The following MAGI2 variants were observed in gnomAD, a reference collection of about 807,000 sequenced individuals.
MAGI2 encodes membrane-associated guanylate kinase, WW and PDZ domain-containing protein 2.
A neutral mutation model predicts 133.3 loss-of-function variants in MAGI2; 35 were observed. The ratio of observed to expected loss-of-function variants is 0.26; its 90% confidence interval spans 0.20 to 0.35. The LOEUF (loss-of-function observed/expected upper bound fraction) is 0.35. Among genes scored for constraint, MAGI2 ranks in the 10% least tolerant of loss-of-function variants. MAGI2 has a pLI of 1.00. For synonymous variants in MAGI2, 729 were observed against 710.6 expected (o/e 1.03, Z -0.41); for missense variants, 1,636 against 1,863.4 (o/e 0.88, Z 2.25).
At chr7:78,220,536 T>G (rs950403788) in intron 10 of MAGI2, among the ~76,000 whole-genome samples, 26 of 152,272 alleles carry the variant, frequency 1.7e-4, no homozygotes, top group Middle Eastern at 3.2e-3. Context: ...ATAACAGGGC[T>G]ATTTATCCTG....
intron 2 of MAGI2, among the ~76,000 whole-genome samples, chr7:78,765,343 C>CGTTTTT (rs71931638): frequency 2.2e-5 from 2 of 89,050 alleles, no homozygotes; most frequent in South Asian, 4.6e-4. Flanking sequence ...TAGTGCACAT[C>CGTTTTT]TTTTTTTTTT....
At chr7:78,313,391 T>C (rs1248931498) in intron 9 of MAGI2, among the ~76,000 whole-genome samples, 1 of 152,010 alleles carries the variant, frequency 6.6e-6, no homozygotes, top group Non-Finnish European at 1.5e-5. Flanking sequence ...TGACATTAAC[T>C]GTACTGGAAA....
At chr7:78,503,110 G>A (rs549949815) in intron 4 of MAGI2, among the ~76,000 whole-genome samples, 7 of 152,036 alleles carry the variant, frequency 4.6e-5, no homozygotes, top group South Asian at 4.2e-4. Flanking sequence ...TACTCTAAGC[G>A]CAAAGAGAGG....
chr7:79,126,127 A>G (rs953606725), intron 1 of MAGI2, among the ~76,000 whole-genome samples: 1 of 152,212 alleles, frequency 6.6e-6, no homozygotes, highest in South Asian at 2.1e-4. Flanking sequence ...GCTAAACATA[A>G]TAGTCTGATC....
chr7:78,648,371 G>A (rs1488138755), intron 2 of MAGI2, among the ~76,000 whole-genome samples: 1 of 152,162 alleles, frequency 6.6e-6, no homozygotes, highest in African/African-American at 2.4e-5. Context: ...GTAATAGGAA[G>A]AAGCCTTCAT....
At chr7:79,424,568 C>CA (rs943715349) in intron 1 of MAGI2, among the ~76,000 whole-genome samples, 5 of 151,976 alleles carry the variant, frequency 3.3e-5, no homozygotes, top group South Asian at 2.1e-4. Flanking sequence ...GCTTTTGCCA[C>CA]AAAAAAATGA....
At chr7:79,087,669 T>G (rs1198064989) in intron 1 of MAGI2, among the ~76,000 whole-genome samples, 1 of 152,086 alleles carries the variant, frequency 6.6e-6, no homozygotes, top group Non-Finnish European at 1.5e-5. Flanking sequence ...AGTTAATTTT[T>G]GTATAAGGTG....
chr7:78,108,642 A>ATG (rs71844818), intron 20 of MAGI2, among the ~76,000 whole-genome samples: 3,180 of 148,738 alleles, frequency 0.021, 64 homozygotes, highest in African/African-American at 0.045. Context: ...CTCTCTCTGT[A>ATG]TGTGTGTGTG....
intron 2 of MAGI2, among the ~76,000 whole-genome samples, chr7:78,799,034 G>A (rs540296760): frequency 6.6e-6 from 1 of 152,128 alleles, no homozygotes; most frequent in Non-Finnish European, 1.5e-5. Flanking sequence ...TCAGTTTTGG[G>A]GCTATGAGAT....
chr7:78,804,031 T>C (rs1788302582), intron 2 of MAGI2, among the ~76,000 whole-genome samples: 2 of 152,256 alleles, frequency 1.3e-5, no homozygotes, highest in Non-Finnish European at 2.9e-5. Flanking sequence ...ACTTGGGAAC[T>C]ACTATTTCAT....
chr7:79,443,486 T>A lies in MAGI2; in HGVS notation c.301+9534A>T, dbSNP rs371839913. ...AATTCATATCTCTGAAACTTATTGGTGTTTACAAAATCCAGCTAATCAGAT... is the reference window on the plus strand; with the variant it reads ...AATTCATATCTCTGAAACTTATTGGAGTTTACAAAATCCAGCTAATCAGAT... On this transcript the variant is annotated intron_variant, in intron 1 of 21. Coordinates refer to ENST00000354212, the MANE Select transcript of MAGI2 (RefSeq NM_012301.4). Among the ~76,000 whole-genome samples the A allele has an allele frequency of 1.8e-4, 27 of 152,254 alleles. No individual in the cohort carries two copies. The East Asian group carries it at 4.4e-3, about 25-fold the overall frequency.
At chr7:78,148,474 A>G (rs557714465) in intron 16 of MAGI2, among the ~76,000 whole-genome samples, 1 of 152,336 alleles carries the variant, frequency 6.6e-6, no homozygotes, top group East Asian at 1.9e-4. Flanking sequence ...CTATATAGAA[A>G]TTAAACCTTT....
At chr7:79,326,511 C>T (rs1839704998) in intron 1 of MAGI2, among the ~76,000 whole-genome samples, 1 of 152,036 alleles carries the variant, frequency 6.6e-6, no homozygotes, top group African/African-American at 2.4e-5. Flanking sequence ...TATGTGCTAT[C>T]TTGTAAGGGA....
chr7:78,669,120 A>G (rs1814011204), intron 2 of MAGI2, among the ~76,000 whole-genome samples: 1 of 152,178 alleles, frequency 6.6e-6, no homozygotes, highest in Non-Finnish European at 1.5e-5. Flanking sequence ...CAAAAAATTA[A>G]TGAATCCAGG....
At chr7:78,784,656 A>C (rs780990235) in intron 2 of MAGI2, among the ~76,000 whole-genome samples, 7 of 152,136 alleles carry the variant, frequency 4.6e-5, no homozygotes, top group Non-Finnish European at 8.8e-5. Context: ...GGGTTTCTCC[A>C]CTCAGTCTAT....
At chr7:78,324,010 A>G (rs1788283974) in intron 9 of MAGI2, among the ~76,000 whole-genome samples, 2 of 152,194 alleles carry the variant, frequency 1.3e-5, no homozygotes, top group African/African-American at 4.8e-5. Context: ...AGCTAACCAG[A>G]GTATTTGGAT....
chr7:79,151,045 C>A (rs1304985323), intron 1 of MAGI2, among the ~76,000 whole-genome samples: 1 of 151,892 alleles, frequency 6.6e-6, no homozygotes. Flanking sequence ...GATGACCAGG[C>A]AGACTTTTTA....
chr7:78,900,488 T>C (rs1297193326), intron 2 of MAGI2, among the ~76,000 whole-genome samples: 1 of 152,144 alleles, frequency 6.6e-6, no homozygotes, highest in African/African-American at 2.4e-5. Flanking sequence ...AAGCTCTCTA[T>C]TTAGGTCCTT....
intron 1 of MAGI2, among the ~76,000 whole-genome samples, chr7:79,167,932 G>T (rs999288163): frequency 6.6e-6 from 1 of 152,122 alleles, no homozygotes; most frequent in Non-Finnish European, 1.5e-5. Flanking sequence ...CCTGCCCAGG[G>T]TGGTAAACCG....
Sources: gnomAD v4.1 joint callset for allele counts (sites outside exome capture counted in the v4.1 genomes callset) on GRCh38, gnomAD v4.1.1 for gene constraint, MANE v1.5 for transcripts, NCBI Gene and HGNC (gene_info 2026-07-23, HGNC 2026-07-21) for gene names.